KCNIP4: variants seen among roughly 807,000 people sequenced by gnomAD.
KCNIP4 encodes the protein Kv channel-interacting protein 4.
A neutral mutation model predicts 34.0 loss-of-function variants in KCNIP4; 12 were observed. That is an observed-to-expected ratio of 0.35 (90% CI 0.23 to 0.57). KCNIP4 has a LOEUF of 0.57. Ranked by LOEUF, KCNIP4 falls within the 20% of genes least tolerant of loss-of-function variation. The pLI, the probability that KCNIP4 is intolerant of heterozygous loss-of-function variation, is 0.83. For synonymous variants in KCNIP4, 124 were observed against 102.2 expected (o/e 1.21, Z -1.29); for missense variants, 238 against 311.7 (o/e 0.76, Z 1.78).
chr4:21,509,048 G>A (rs1218251141), intron 1 of KCNIP4, among the ~76,000 whole-genome samples: 1 of 152,014 alleles, frequency 6.6e-6, no homozygotes, highest in East Asian at 1.9e-4. Context: ...TCCCCTCATA[G>A]GTCACTATTC....
intron 1 of KCNIP4, among the ~76,000 whole-genome samples, chr4:21,620,219 G>A (rs1283715775): frequency 6.6e-6 from 1 of 152,086 alleles, no homozygotes; most frequent in Non-Finnish European, 1.5e-5. Flanking sequence ...AGAAAGAATT[G>A]TGGCCAGGCG....
chr4:20,783,549 T>G (rs1560462187), intron 3 of KCNIP4, among the ~76,000 whole-genome samples: 1 of 152,162 alleles, frequency 6.6e-6, no homozygotes, highest in Non-Finnish European at 1.5e-5. Flanking sequence ...CTTGTGAGAC[T>G]TATTCACTAC....
At chr4:20,733,456 C>T (rs75546969) in intron 6 of KCNIP4, among the ~76,000 whole-genome samples, 2,454 of 152,240 alleles carry the variant, frequency 0.016, 31 homozygotes, top group Non-Finnish European at 0.027. Context: ...ACATTTGTTT[C>T]ACGTGAAAGA....
At chr4:20,846,576 G>T (rs1720409430) in intron 3 of KCNIP4, among the ~76,000 whole-genome samples, 1 of 151,948 alleles carries the variant, frequency 6.6e-6, no homozygotes, top group Non-Finnish European at 1.5e-5. Flanking sequence ...TTAAAAAAAA[G>T]AAGAATTCCT....
At chr4:21,429,656 G>A (rs930141042) in intron 1 of KCNIP4, among the ~76,000 whole-genome samples, 1 of 152,088 alleles carries the variant, frequency 6.6e-6, no homozygotes, top group African/African-American at 2.4e-5. Context: ...TAGTGTTCTG[G>A]ATTTTGGTAA....
chr4:21,399,644 A>G (rs547001588), intron 1 of KCNIP4, among the ~76,000 whole-genome samples: 2 of 137,356 alleles, frequency 1.5e-5, no homozygotes, highest in African/African-American at 5.6e-5. Context: ...TGAATTTCAG[A>G]TAAACAGTGA....
chr4:21,148,930 T>A (rs910577978), intron 1 of KCNIP4, among the ~76,000 whole-genome samples: 1 of 152,206 alleles, frequency 6.6e-6, no homozygotes, highest in African/African-American at 2.4e-5. Context: ...AAAATGTGAA[T>A]TAAATTGGCT....
chr4:20,794,909 T>C (rs1354203043), intron 3 of KCNIP4, among the ~76,000 whole-genome samples: 6 of 152,156 alleles, frequency 3.9e-5, no homozygotes, highest in Non-Finnish European at 1.5e-5. Context: ...AAAAAGGTGT[T>C]AACAATTCTG....
chr4:21,751,381 G>A (rs1054419395), intron 1 of KCNIP4, among the ~76,000 whole-genome samples: 5 of 151,946 alleles, frequency 3.3e-5, no homozygotes, highest in African/African-American at 1.2e-4. Context: ...AATTGTGTTA[G>A]GTGTTATGAC....
chr4:20,831,949 C>T (rs962864204), intron 3 of KCNIP4, among the ~76,000 whole-genome samples: 5 of 152,162 alleles, frequency 3.3e-5, no homozygotes, highest in Admixed American at 2.0e-4. Flanking sequence ...GGCCAACATA[C>T]GGGAACTCAG....
At chr4:21,780,461 T>A (rs745446391) in intron 1 of KCNIP4, among the ~76,000 whole-genome samples, 14 of 152,108 alleles carry the variant, frequency 9.2e-5, no homozygotes, top group Non-Finnish European at 1.3e-4. Context: ...CAAAGACTTG[T>A]GAGCTATTTT....
chr4:20,768,484 A>G (rs1755608260), intron 3 of KCNIP4, among the ~76,000 whole-genome samples: 1 of 152,232 alleles, frequency 6.6e-6, no homozygotes, highest in African/African-American at 2.4e-5. Context: ...AAATTATAGG[A>G]TTAACCTTTC....
At position 21,735,783 on chromosome 4, in the gene KCNIP4, T is replaced by A. The variant is rs561066320; in HGVS notation, c.61+212788A>T. ...CGCGAAGAATGGGGACTAGCCTGCATAAACAAAAATCCAAACTAGAAACAC... is the reference window on the plus strand; with the variant it reads ...CGCGAAGAATGGGGACTAGCCTGCAAAAACAAAAATCCAAACTAGAAACAC... On this transcript the variant is annotated intron_variant, in intron 1 of 8. Transcript: ENST00000382152. 5.3e-5 allele frequency among the ~76,000 whole-genome samples: 8 copies of A among 152,278 alleles called. No individual in the cohort carries two copies. The South Asian group carries it at 1.4e-3, about 28-fold the overall frequency.
At position 21,165,579 on chromosome 4, in the gene KCNIP4, A is replaced by G. The variant is rs555823019; in HGVS notation, c.62-282870T>C. Among the ~76,000 whole-genome samples the G allele has an allele frequency of 7.3e-4, 111 of 152,218 alleles. 1 individual carries two copies. Among genetic ancestry groups the G allele is most frequent in the African/African-American group, 2.5e-3 (104 of 41,558 alleles). On this transcript the variant is annotated intron_variant, in intron 1 of 8. Transcript: ENST00000382152. Reference sequence around the variant, plus strand: ...AAATGCATCATAGATCTAAATATAAAATGATACAACTTCTAGAAAACAAGG... The same window carrying G: ...AAATGCATCATAGATCTAAATATAAGATGATACAACTTCTAGAAAACAAGG...
In KCNIP4 at chr4:21,194,389, A is replaced by G. The variant is rs114516017; in HGVS notation, c.62-311680T>C. ...TTGACGATTGGCCATCACTTAATACAGGTACTTGATGAATGTGTGAAAAAT... is the reference window on the plus strand; with the variant it reads ...TTGACGATTGGCCATCACTTAATACGGGTACTTGATGAATGTGTGAAAAAT... On this transcript the variant is annotated intron_variant, in intron 1 of 8. Coordinates refer to ENST00000382152, the MANE Select transcript of KCNIP4 (RefSeq NM_025221.6). Among the ~76,000 whole-genome samples the G allele has an allele frequency of 3.8e-3, 575 of 152,308 alleles. 3 individuals carry two copies. Among genetic ancestry groups the G allele is most frequent in the African/African-American group, 0.013 (558 of 41,564 alleles).
At chr4:21,545,147 T>C (rs1052059171) in intron 1 of KCNIP4, among the ~76,000 whole-genome samples, 1 of 152,084 alleles carries the variant, frequency 6.6e-6, no homozygotes, top group African/African-American at 2.4e-5. Flanking sequence ...TGGATTAGCA[T>C]GTTAAAAGAC....
In KCNIP4 at chr4:21,053,370, G is replaced by A. The variant is rs116438052; in HGVS notation, c.62-170661C>T. Among the ~76,000 whole-genome samples, 691 of 152,276 alleles carry A rather than the reference G, an allele frequency of 4.5e-3. 6 individuals are homozygous for A. Among genetic ancestry groups the A allele is most frequent in the African/African-American group, 0.016 (658 of 41,562 alleles). On this transcript the variant is annotated intron_variant, in intron 1 of 8. Transcript: ENST00000382152. ...GAGCACATAGAGGAAAATTTTCTCA[G>A]TTTGATAAAGAATGGCTACAGAAAA...
intron 3 of KCNIP4, among the ~76,000 whole-genome samples, chr4:20,774,450 T>G (rs1402160560): frequency 6.6e-6 from 1 of 152,216 alleles, no homozygotes; most frequent in Non-Finnish European, 1.5e-5. Context: ...CTGGATTTTA[T>G]CATAATTAAT....
chr4:21,519,979 C>T (rs1212447312), intron 1 of KCNIP4, among the ~76,000 whole-genome samples: 7 of 151,424 alleles, frequency 4.6e-5, no homozygotes, highest in African/African-American at 1.7e-4. Flanking sequence ...GCAAGGAAAG[C>T]CAGCCCAAGT....
Sources: allele counts gnomAD v4.1 joint callset (sites outside exome capture counted in the v4.1 genomes callset), GRCh38; gene constraint gnomAD v4.1.1; transcripts MANE v1.5; gene names NCBI Gene and HGNC (gene_info 2026-07-23, HGNC 2026-07-21).